Variants in RIT2 observed in about 807,000 individuals in gnomAD.
RIT2 encodes the protein Ras like without CAAX 2, also known as GTP-binding protein Rit2.
RIT2 carries 24 observed loss-of-function variants against 23.7 expected under a neutral mutation model. That is an observed-to-expected ratio of 1.01 (90% CI 0.73 to 1.43). The LOEUF is 1.43. RIT2 is among the 40% of genes most tolerant of loss of function. The pLI is 0.00. For missense variants in RIT2, 236 were observed against 266.9 expected, an observed-to-expected ratio of 0.88 and a Z score of 0.81; for synonymous variants, 107 against 91.1, an observed-to-expected ratio of 1.17 and a Z score of -0.99.
intron 4 of RIT2, among the ~76,000 whole-genome samples, chr18:42,787,620 C>T (rs1269854525): frequency 1.3e-5 from 2 of 152,024 alleles, no homozygotes; most frequent in Non-Finnish European, 2.9e-5. Flanking sequence ...TCTTTGATAC[C>T]ATGAACTTTA....
chr18:43,077,862 T>C (rs965333596), intron 1 of RIT2, among the ~76,000 whole-genome samples: 1 of 152,220 alleles, frequency 6.6e-6, no homozygotes, highest in Admixed American at 6.5e-5. Flanking sequence ...TTTTAGGACA[T>C]TGAATTTTTA....
chr18:43,030,396 G>A (rs1598753991), intron 2 of RIT2, among the ~76,000 whole-genome samples: 3 of 152,004 alleles, frequency 2.0e-5, no homozygotes, highest in Admixed American at 1.3e-4. Context: ...TGACTAGTTC[G>A]TGGATCTAAA....
chr18:42,881,225 A>T (rs758593773), intron 4 of RIT2, among the ~76,000 whole-genome samples: 19 of 152,208 alleles, frequency 1.2e-4, no homozygotes, highest in Admixed American at 3.9e-4. Flanking sequence ...CAAAAAACAG[A>T]GGTTGTTTAA....
intron 1 of RIT2, among the ~76,000 whole-genome samples, chr18:43,090,885 G>A (rs907537846): frequency 6.6e-6 from 1 of 151,882 alleles, no homozygotes; most frequent in South Asian, 2.1e-4. Context: ...GTGGATGGTG[G>A]GAGGAGGAAA....
chr18:42,997,981 C>T (rs1241433450), intron 2 of RIT2, among the ~76,000 whole-genome samples: 2 of 152,116 alleles, frequency 1.3e-5, no homozygotes, highest in Non-Finnish European at 2.9e-5. Flanking sequence ...TAGATTGTAA[C>T]CAAATCATCT....
chr18:42,839,191 G>A (rs568466940), intron 4 of RIT2, among the ~76,000 whole-genome samples: 3 of 152,136 alleles, frequency 2.0e-5, no homozygotes, highest in Non-Finnish European at 4.4e-5. Flanking sequence ...GACTTCAGCT[G>A]ACCTCCATTA....
At chr18:42,949,093 C>A (rs1393250142) in intron 3 of RIT2, 23 of 397,282 alleles carry the variant, frequency 5.8e-5, no homozygotes, top group Non-Finnish European at 1.0e-4. Flanking sequence ...ATACTTAGAA[C>A]TTGGAGCTCT....
chr18:43,002,514 G>C (rs1321815663), intron 2 of RIT2, among the ~76,000 whole-genome samples: 2 of 91,882 alleles, frequency 2.2e-5, no homozygotes, highest in African/African-American at 7.8e-5. Context: ...ACATATTAGT[G>C]ACAATTACCA....
chr18:42,972,234 A>T (rs1270475932), intron 3 of RIT2, among the ~76,000 whole-genome samples: 4 of 151,968 alleles, frequency 2.6e-5, no homozygotes, highest in African/African-American at 9.7e-5. Flanking sequence ...CAAATAATTG[A>T]AATAATTTTT....
At chr18:42,929,150 A>C (rs1167211896) in intron 3 of RIT2, among the ~76,000 whole-genome samples, 1 of 150,698 alleles carries the variant, frequency 6.6e-6, no homozygotes, top group Non-Finnish European at 1.5e-5. Context: ...ACGTTTAAAC[A>C]ACCCAAGCTA....
At chr18:42,778,697 G>A (rs1336812425) in intron 4 of RIT2, among the ~76,000 whole-genome samples, 1 of 152,150 alleles carries the variant, frequency 6.6e-6, no homozygotes, top group African/African-American at 2.4e-5. Flanking sequence ...CCTTTCTCGA[G>A]TCCTAGCTGC....
chr18:42,843,441 C>A (rs1233784157), intron 4 of RIT2, among the ~76,000 whole-genome samples: 1 of 152,138 alleles, frequency 6.6e-6, no homozygotes, highest in African/African-American at 2.4e-5. Flanking sequence ...TCATGAAATA[C>A]ATACTTATAA....
rs149889903 is a variant in RIT2, at chr18:42,807,883, G to A, written c.427-64163C>T. On this transcript the variant is annotated intron_variant, in intron 4 of 4. Coordinates refer to ENST00000326695, the MANE Select transcript of RIT2 (RefSeq NM_002930.4). ...TCCTTGAGGACTTCAGCAGGTAATG[G>A]TGTAGGTAACAGTCAATGCTAAAGA... Among the ~76,000 whole-genome samples, 4 of 152,058 alleles carry A rather than the reference G, an allele frequency of 2.6e-5. No homozygotes were observed. In the East Asian group the frequency reaches 7.8e-4, roughly 30 times the overall value.
intron 4 of RIT2, among the ~76,000 whole-genome samples, chr18:42,869,427 C>T (rs1907559274): frequency 6.6e-6 from 1 of 152,160 alleles, no homozygotes; most frequent in South Asian, 2.1e-4. Flanking sequence ...TTTTGGGGAC[C>T]CCAGTTGTAC....
At chr18:42,852,471 T>C (rs980164920) in intron 4 of RIT2, among the ~76,000 whole-genome samples, 7 of 152,226 alleles carry the variant, frequency 4.6e-5, no homozygotes, top group African/African-American at 1.7e-4. Context: ...GATGGGTTAA[T>C]TAATTGGAAT....
chr18:43,113,985 T>C (rs1302306215), intron 1 of RIT2, among the ~76,000 whole-genome samples: 1 of 152,174 alleles, frequency 6.6e-6, no homozygotes, highest in Non-Finnish European at 1.5e-5. Context: ...AAAGTATAAC[T>C]TCATTTTATA....
chr18:42,828,712 C>T (rs1485405358), intron 4 of RIT2, among the ~76,000 whole-genome samples: 3 of 152,166 alleles, frequency 2.0e-5, no homozygotes, highest in Non-Finnish European at 4.4e-5. Context: ...GGAACTGTCA[C>T]CATGGCCTGG....
chr18:42,920,420 G>A (rs540329508), intron 4 of RIT2, among the ~76,000 whole-genome samples: 3 of 152,198 alleles, frequency 2.0e-5, no homozygotes, highest in Admixed American at 2.0e-4. Flanking sequence ...TTGGTCTTGC[G>A]GTGAGGATTA....
At chr18:42,827,472 A>C (rs1438766793) in intron 4 of RIT2, among the ~76,000 whole-genome samples, 3 of 152,140 alleles carry the variant, frequency 2.0e-5, no homozygotes, top group Admixed American at 1.3e-4. Context: ...TACAAAAATC[A>C]AACGCTTTTT....
Sources: gnomAD v4.1 joint callset for allele counts (sites outside exome capture counted in the v4.1 genomes callset) on GRCh38, gnomAD v4.1.1 for gene constraint, MANE v1.5 for transcripts, NCBI Gene and HGNC (gene_info 2026-07-23, HGNC 2026-07-21) for gene names.